SMARCA4: variants seen among roughly 807,000 people sequenced by gnomAD.
SMARCA4 encodes the protein SWI/SNF related BAF chromatin remodeling complex subunit ATPase 4, also known as SWI/SNF-related matrix-associated actin-dependent regulator of chromatin subfamily A member 4.
Under a neutral mutation model 193.9 loss-of-function variants are expected in SMARCA4, and 31 were observed. The observed-to-expected ratio is 0.16, with a 90% CI of 0.12 to 0.22. SMARCA4 has a LOEUF of 0.22. Among genes scored for constraint, SMARCA4 ranks in the 10% least tolerant of loss-of-function variants. The pLI is 1.00. For missense variants in SMARCA4, 1,148 were observed against 2,296.0 expected, an observed-to-expected ratio of 0.50 and a Z score of 10.22; for synonymous variants, 942 against 933.1, an observed-to-expected ratio of 1.01 and a Z score of -0.17.
intron 30 of SMARCA4, among the ~76,000 whole-genome samples, chr19:11,047,200 C>T (rs1284902621): frequency 6.6e-6 from 1 of 152,062 alleles, no homozygotes; most frequent in Admixed American, 6.6e-5. Flanking sequence ...TGATTTATTA[C>T]AGTGCAAGGC....
Position 10,985,524 on chromosome 19 carries a change from G to A in SMARCA4, c.355+119G>A. The A allele has an allele frequency of 1.6e-6, 2 of 1,279,048 alleles. 1 individual carries two copies. The highest frequency in any genetic ancestry group is 4.0e-5 in the Admixed American group (2 of 50,492). The allele number at this position is 1,279,048 out of a possible 1,614,324, so 79.2% of individuals were successfully genotyped here. ...GGAGTACCTAGGATGATGTAGCCGG[G>A]TGGGTGGCCCGCCACAGAGAGCTGT... On this transcript the variant is annotated intron_variant, in intron 3 of 34. Transcript: ENST00000344626. This position sits in a 1 kb window ranked among gnomAD's most constrained non-coding sequence, Gnocchi z 4.5.
rs769414440 is a variant in SMARCA4, at chr19:10,986,955, G to A, written c.811G>A (p.Gly271Arg). 12 of 1,610,326 alleles carry A rather than the reference G, an allele frequency of 7.5e-6. No individual in the cohort carries two copies. The East Asian group carries it at 1.6e-4, about 21-fold the overall frequency. The change falls in exon 5 of 35, where the codon GGG (glycine) becomes AGG (arginine). Residue 271 changes from glycine (G) to arginine (R), a missense_variant. By Grantham distance (125) the Gly-to-Arg change is moderately radical. Coordinates refer to ENST00000344626, the MANE Select transcript of SMARCA4 (RefSeq NM_003072.5). This position sits in a 1 kb window ranked among gnomAD's most constrained non-coding sequence, Gnocchi z 6.7. The part of the protein sequence containing the change: ...PPPGPSGVPP[G>R]MPGQPPGGPP... ...CCCAGGACCCTCGGGCGTGCCCCCC[G>A]GGATGCCAGGCCAGCCTCCTGGAGG...
chr19:10,978,637 CTT>C (rs1682243273), intron 1 of SMARCA4, among the ~76,000 whole-genome samples: 1 of 148,830 alleles, frequency 6.7e-6, no homozygotes, highest in Non-Finnish European at 1.5e-5. Context: ...ATACTTTCTA[CTT>C]TTTAAAAGTG....
chr19:11,061,687 T>C (rs1230662430), intron 34 of SMARCA4, 97 bp from the exon 35 acceptor site: 17 of 1,242,042 alleles, frequency 1.4e-5, no homozygotes, highest in Non-Finnish European at 1.6e-5. Context: ...ACATCAGTGT[T>C]TTCTTGAGCA....
At chr19:10,992,662 C>T (rs2086661504) in intron 8 of SMARCA4, among the ~76,000 whole-genome samples, 1 of 151,702 alleles carries the variant, frequency 6.6e-6, no homozygotes, top group Non-Finnish European at 1.5e-5. Flanking sequence ...GATCTTGGTT[C>T]GACACAACCT....
chr19:10,986,315 C>T lies in SMARCA4; in HGVS notation c.482C>T (p.Ala161Val), dbSNP rs2145775531. 1 of 1,613,698 alleles carries T rather than the reference C, an allele frequency of 6.2e-7. No homozygotes were observed. The highest frequency in any genetic ancestry group is 8.5e-7 in the Non-Finnish European group (1 of 1,179,986). The change falls in exon 4 of 35, where the codon GCC (alanine) becomes GTC (valine). Residue 161 changes from alanine (A) to valine (V), a missense_variant. This residue lies in a region of SMARCA4 where 201 missense variants were observed against 248.3 expected (regional missense o/e 0.81). Coordinates refer to ENST00000344626, the MANE Select transcript of SMARCA4 (RefSeq NM_003072.5). This position sits in a 1 kb window ranked among gnomAD's most constrained non-coding sequence, Gnocchi z 6.7. ...CCGCTGGATGGTGCTGACCCCCAGG[C>T]CTTGGGGCAGCAGAACCGGGGCCCA... is the stretch of plus-strand genomic sequence containing the variant. Reference protein sequence around the residue: ...GAPLDGADPQALGQQNRGPTP... With the variant: ...GAPLDGADPQVLGQQNRGPTP...
In SMARCA4 at chr19:11,034,079, C is replaced by T. The variant is rs1474463438; in HGVS notation, c.3874-44C>T. The T allele has an allele frequency of 6.6e-7, 1 of 1,525,872 alleles. No individual in the cohort carries two copies. The highest frequency in any genetic ancestry group is 9.1e-7 in the Non-Finnish European group (1 of 1,100,858). The allele number at this position is 1,525,872 out of a possible 1,614,324, so 94.5% of individuals were successfully genotyped here. On this transcript the variant is annotated intron_variant, in intron 27 of 34. Transcript: ENST00000344626. The surrounding 1 kb of genome is among the most constrained non-coding windows in gnomAD (Gnocchi z 7.0). ...CGCCTCTGAGCTCGGCCGCCGCCCA[C>T]CCCGGCCCCTCCTCAGCGGCACTGA...
intron 1 of SMARCA4, among the ~76,000 whole-genome samples, chr19:10,978,797 A>T (rs999857802): frequency 1.3e-5 from 2 of 150,806 alleles, no homozygotes; most frequent in Non-Finnish European, 3.0e-5. Context: ...ATATATATAT[A>T]TTTTAGCCAG....
At position 11,034,153 on chromosome 19, in the gene SMARCA4, G is replaced by A. The variant is rs1185321977; in HGVS notation, c.3904G>A (p.Val1302Ile). The A allele has an allele frequency of 1.2e-6, 2 of 1,613,696 alleles. No individual in the cohort carries two copies. The highest frequency in any genetic ancestry group is 8.5e-7 in the Non-Finnish European group (1 of 1,179,952). The part of the protein sequence containing the change: ...EEDEVPDDET[V>I]NQMIARHEEE... ...AGACGAGGTGCCCGACGACGAGACC[G>A]TCAACCAGATGATCGCCCGGCACGA... The change falls in exon 28 of 35, where the codon GTC becomes ATC. Residue 1302 changes from valine to isoleucine, a missense_variant. Physicochemically the swap from Val to Ile is conservative, Grantham distance 29 (BLOSUM62 3). Coordinates refer to ENST00000344626, the MANE Select transcript of SMARCA4 (RefSeq NM_003072.5). This position sits in a 1 kb window ranked among gnomAD's most constrained non-coding sequence, Gnocchi z 7.0.
chr19:11,042,941 C>T (rs2075701410), intron 30 of SMARCA4, among the ~76,000 whole-genome samples: 1 of 152,202 alleles, frequency 6.6e-6, no homozygotes, highest in Non-Finnish European at 1.5e-5. Context: ...CACCACTGCA[C>T]TCCAGCCTTG....
intron 29 of SMARCA4, among the ~76,000 whole-genome samples, chr19:11,037,159 T>G (rs2075314879): frequency 6.6e-6 from 1 of 152,258 alleles, no homozygotes; most frequent in Non-Finnish European, 1.5e-5. Context: ...ATATCTGATT[T>G]CTCTTTAATA....
At chr19:11,044,355 A>G (rs2075782850) in intron 30 of SMARCA4, among the ~76,000 whole-genome samples, 1 of 152,226 alleles carries the variant, frequency 6.6e-6, no homozygotes, top group African/African-American at 2.4e-5. Flanking sequence ...CAAACAATTG[A>G]GAAATTAGAC....
intron 1 of SMARCA4, among the ~76,000 whole-genome samples, chr19:10,964,037 A>G (rs2084021132): frequency 6.6e-6 from 1 of 152,198 alleles, no homozygotes; most frequent in Non-Finnish European, 1.5e-5. Flanking sequence ...AGGAGACGTA[A>G]ATGTTGATCG....
rs111316449 is a variant in SMARCA4 at position 10,982,502 on chromosome 19, C to CT, written c.-31-1604dup. Among the ~76,000 whole-genome samples the CT allele has an allele frequency of 9.2e-3, 1,319 of 143,732 alleles. 56 individuals carry two copies. The East Asian group carries it at 0.14, about 15-fold the overall frequency. The allele number at this position is 143,732 out of a possible 152,430, so 94.3% of individuals were successfully genotyped here. On this transcript the variant is annotated intron_variant, in intron 1 of 34. Transcript: ENST00000344626. ...AAACATAAATAAAACAAAAATAGAA[C>CT]TTTTTTTTTTTTTTTGAGACGGAGT...
At chr19:10,989,539 C>T (rs2145854179) in intron 7 of SMARCA4, 96 bp downstream of exon 7, 1 of 1,424,288 alleles carries the variant, frequency 7.0e-7, no homozygotes, top group South Asian at 1.2e-5. Context: ...TAGTATTACA[C>T]CTGCCTGGGC....
At position 11,033,238 on chromosome 19, in the gene SMARCA4, C is replaced by T; in HGVS notation, c.3547-52C>T. On this transcript the variant is annotated intron_variant, in intron 25 of 34. Transcript: ENST00000344626. This position sits in a 1 kb window ranked among gnomAD's most constrained non-coding sequence, Gnocchi z 9.8. ...CAGCTAGTGTCAGAGGCCACCTTCC[C>T]TTTTATGACCTCCTGGGCTCCTTTG... 6.9e-7 allele frequency: 1 copy of T among 1,442,426 alleles called. No homozygotes were observed. The highest frequency in any genetic ancestry group is 1.1e-5 in the South Asian group (1 of 87,674). The allele number at this position is 1,442,426 out of a possible 1,614,324, so 89.4% of individuals were successfully genotyped here.
At chr19:10,976,127 C>T (rs1448044342) in intron 1 of SMARCA4, among the ~76,000 whole-genome samples, 1 of 152,176 alleles carries the variant, frequency 6.6e-6, no homozygotes, top group Non-Finnish European at 1.5e-5. Flanking sequence ...TAGGGACGAC[C>T]TTTGGCCACC....
chr19:10,998,183 G>A (rs1271551152), intron 11 of SMARCA4, among the ~76,000 whole-genome samples: 1 of 152,184 alleles, frequency 6.6e-6, no homozygotes, highest in Non-Finnish European at 1.5e-5. Context: ...ACCACGCTTG[G>A]CTTCAGGCCA....
intron 14 of SMARCA4, 104 bp from the exon 15 acceptor site, chr19:11,010,277 T>C: frequency 7.8e-7 from 1 of 1,274,528 alleles, no homozygotes. Context: ...TGGCCACAGG[T>C]CATTCAGCAG....
Sources: gnomAD v4.1 joint callset for allele counts (sites outside exome capture counted in the v4.1 genomes callset) on GRCh38, gnomAD v4.1.1 for gene constraint, gnomAD v4.1.1 regional missense constraint, Gnocchi (gnomAD v3.1) non-coding constraint, MANE v1.5 for transcripts, NCBI Gene and HGNC (gene_info 2026-07-23, HGNC 2026-07-21) for gene names.